FAM53A: variants seen among roughly 807,000 people sequenced by gnomAD.
The protein encoded by FAM53A is protein FAM53A.
In FAM53A, 28 loss-of-function variants were observed where a neutral mutation model predicts 26.6. That is an observed-to-expected ratio of 1.05 (90% confidence interval 0.78 to 1.45). The LOEUF is 1.45. Among genes scored for constraint, FAM53A ranks in the 40% most tolerant of loss-of-function variants. The pLI is 0.00. For synonymous variants in FAM53A, 290 were observed against 253.1 expected (o/e 1.15, Z -1.38); for missense variants, 650 against 575.8 (o/e 1.13, Z -1.32).
At chr4:1,583,300 G>A in the FAM53A span, among the ~76,000 whole-genome samples, 1 of 152,198 alleles carries the variant, frequency 6.6e-6, no homozygotes, top group Non-Finnish European at 1.5e-5. Context: ...GAAAAGCAAA[G>A]GAAGCGGGGT....
intron 1 of FAM53A, among the ~76,000 whole-genome samples, chr4:1,675,943 C>A (rs1466779785): frequency 6.6e-6 from 1 of 152,238 alleles, no homozygotes; most frequent in African/African-American, 2.4e-5. Flanking sequence ...CTCAGATGGC[C>A]GCCTCACGGG....
chr4:1,637,232 AAGG>A (rs1213909141), downstream of FAM53A, among the ~76,000 whole-genome samples: 17 of 152,052 alleles, frequency 1.1e-4, no homozygotes, highest in Non-Finnish European at 2.4e-4. Flanking sequence ...GGCCCAGGAT[AAGG>A]AACAAAAAGT....
the FAM53A span, among the ~76,000 whole-genome samples, chr4:1,608,225 G>A: frequency 5.3e-5 from 8 of 150,830 alleles, no homozygotes; most frequent in African/African-American, 1.7e-4. Flanking sequence ...AGCCCCTCCC[G>A]GCCTCTCCGA....
intron 1 of FAM53A, among the ~76,000 whole-genome samples, chr4:1,675,681 T>C (rs562777373): frequency 1.3e-5 from 2 of 152,272 alleles, no homozygotes; most frequent in African/African-American, 2.4e-5. Context: ...CTCATTCCCA[T>C]ACACTGGGCA....
chr4:1,627,176 C>T (rs1381027889), intron 1 of FAM53A, among the ~76,000 whole-genome samples: 1 of 152,164 alleles, frequency 6.6e-6, no homozygotes, highest in Non-Finnish European at 1.5e-5. Flanking sequence ...CCTCAGCCAA[C>T]CAGGTCCCCA....
upstream of FAM53A, among the ~76,000 whole-genome samples, chr4:1,684,494 C>T: frequency 6.6e-6 from 1 of 150,752 alleles, no homozygotes; most frequent in Admixed American, 6.6e-5. Flanking sequence ...CCCACCGAGT[C>T]CGCAGCGCGC....
At chr4:1,579,429 C>G in the FAM53A span, among the ~76,000 whole-genome samples, 1 of 152,100 alleles carries the variant, frequency 6.6e-6, no homozygotes, top group African/African-American at 2.4e-5. Flanking sequence ...CCTGCGCCAC[C>G]CCCCCGCCCT....
chr4:1,668,937 A>T, intron 1 of FAM53A, 32 bp from the exon 2 acceptor site: 1 of 542,092 alleles, frequency 1.8e-6, no homozygotes. Flanking sequence ...TCATCATGTG[A>T]TTATACGCAA....
At chr4:1,607,941 A>C in the FAM53A span, among the ~76,000 whole-genome samples, 2 of 35,096 alleles carry the variant, frequency 5.7e-5, no homozygotes, top group Non-Finnish European at 1.1e-4. Context: ...ACTCCGTCTC[A>C]AAAAAAAAAA....
chr4:1,626,044 G>T (rs977824737), intron 1 of FAM53A, among the ~76,000 whole-genome samples: 8 of 152,168 alleles, frequency 5.3e-5, no homozygotes, highest in African/African-American at 1.7e-4. Flanking sequence ...CCCCGACTCG[G>T]TGTGGCTGCC....
At chr4:1,593,158 G>A in the FAM53A span, among the ~76,000 whole-genome samples, 1 of 152,328 alleles carries the variant, frequency 6.6e-6, no homozygotes, top group African/African-American at 2.4e-5. Flanking sequence ...CAGGTCCTGG[G>A]TCGGGGGCCG....
intron 2 of FAM53A, among the ~76,000 whole-genome samples, chr4:1,661,112 C>T (rs567480684): frequency 5.9e-5 from 9 of 152,170 alleles, no homozygotes; most frequent in African/African-American, 2.2e-4. Flanking sequence ...CCCTGCTCTC[C>T]GCCCCTCAGC....
chr4:1,591,453 T>G, the FAM53A span, among the ~76,000 whole-genome samples: 1 of 152,192 alleles, frequency 6.6e-6, no homozygotes, highest in African/African-American at 2.4e-5. Flanking sequence ...CGCATGCACA[T>G]GTACCCCATG....
At chr4:1,660,414 C>A (rs895320319) in intron 2 of FAM53A, among the ~76,000 whole-genome samples, 5 of 151,920 alleles carry the variant, frequency 3.3e-5, no homozygotes, top group Non-Finnish European at 7.4e-5. Context: ...CTGGGCAACA[C>A]AGGGAAACCT....
intron 1 of FAM53A, among the ~76,000 whole-genome samples, chr4:1,621,302 C>T (rs938190816): frequency 2.0e-5 from 3 of 152,052 alleles, no homozygotes; most frequent in Non-Finnish European, 2.9e-5. Context: ...GACGGGGTTT[C>T]ACCATGTTAG....
At chr4:1,682,550 C>T (rs760934491) in intron 1 of FAM53A, among the ~76,000 whole-genome samples, 7 of 152,092 alleles carry the variant, frequency 4.6e-5, no homozygotes, top group African/African-American at 9.7e-5. Flanking sequence ...TGTGAGCCAC[C>T]GCGCCTAGCC....
Position 1,621,025 on chromosome 4 carries a change from G to A in FAM53A, c.432-2914C>T, listed in dbSNP as rs141987466. Among the ~76,000 whole-genome samples the A allele has an allele frequency of 2.2e-3, 325 of 151,032 alleles. 2 individuals carry two copies. Among genetic ancestry groups the A allele is most frequent in the Middle Eastern group, 0.014 (4 of 288 alleles). On this transcript the variant is annotated intron_variant, in intron 1 of 1. Coordinates refer to the FAM53A transcript ENST00000489029. ...TGGCTGCCAGAGCCCCAGCCATCAC[G>A]CCTCAGTTTCAGGAAGCAAGAAAGA...
intron 1 of FAM53A, among the ~76,000 whole-genome samples, chr4:1,623,022 A>G (rs113262779): frequency 6.6e-6 from 1 of 152,356 alleles, no homozygotes; most frequent in African/African-American, 2.4e-5. Context: ...ACGAAGGCAC[A>G]GGCGCTGAAG....
At chr4:1,636,322 CTTA>C (rs1338244749), downstream of FAM53A, among the ~76,000 whole-genome samples, 3 of 152,202 alleles carry the variant, frequency 2.0e-5, no homozygotes, top group African/African-American at 7.2e-5. Context: ...CTCATGTATC[CTTA>C]TTGTTTCCTT....
Sources: allele counts gnomAD v4.1 joint callset (sites outside exome capture counted in the v4.1 genomes callset), GRCh38; gene constraint gnomAD v4.1.1; transcripts MANE v1.5; gene names NCBI Gene and HGNC (gene_info 2026-07-23, HGNC 2026-07-21).